The following NT5C2 variants were observed in gnomAD, a reference collection of about 807,000 sequenced individuals.
NT5C2 encodes the protein 5'-nucleotidase, cytosolic II, also known as cytosolic purine 5'-nucleotidase.
NT5C2 carries 58 observed loss-of-function variants against 76.1 expected under a neutral mutation model. The ratio of observed to expected loss-of-function variants is 0.76; its 90% CI spans 0.62 to 0.95. NT5C2 has a LOEUF of 0.95. NT5C2 is among the 40% of genes least tolerant of loss of function. The probability of loss-of-function intolerance (pLI) is 0.00; values close to 1 mark genes in which losing one functional copy is unlikely to be tolerated. For missense variants in NT5C2, 478 were observed against 690.3 expected, an observed-to-expected ratio of 0.69 and a Z score of 3.45; for synonymous variants, 229 against 237.4, an observed-to-expected ratio of 0.96 and a Z score of 0.32.
chr10:103,158,625 T>C (rs897328684), intron 3 of NT5C2, among the ~76,000 whole-genome samples: 12 of 152,026 alleles, frequency 7.9e-5, no homozygotes, highest in Non-Finnish European at 2.9e-5. Context: ...GAGACCAGCC[T>C]GGCCAACATG....
At chr10:103,146,785 C>G (rs2081549628) in intron 3 of NT5C2, among the ~76,000 whole-genome samples, 1 of 152,192 alleles carries the variant, frequency 6.6e-6, no homozygotes. Context: ...ATTCACAGTG[C>G]TAACAACATG....
chr10:103,117,950 T>C (rs185854079), intron 4 of NT5C2, among the ~76,000 whole-genome samples: 1 of 152,288 alleles, frequency 6.6e-6, no homozygotes, highest in Admixed American at 6.5e-5. Flanking sequence ...GGTTTTGAGT[T>C]TATAAGCTGG....
intron 4 of NT5C2, among the ~76,000 whole-genome samples, chr10:103,127,553 G>A (rs2076901210): frequency 6.6e-6 from 1 of 152,112 alleles, no homozygotes; most frequent in Non-Finnish European, 1.5e-5. Context: ...GGAAATAAAT[G>A]ATTACCAAAT....
intron 2 of NT5C2, chr10:103,175,405 A>G (rs2089595849): frequency 6.1e-6 from 1 of 162,858 alleles, no homozygotes; most frequent in South Asian, 1.6e-4. Flanking sequence ...TAGCAGGCAC[A>G]GCTAGCGGGT....
intron 3 of NT5C2, chr10:103,146,489 A>G (rs1251613518): frequency 6.2e-6 from 6 of 964,596 alleles, no homozygotes; most frequent in Non-Finnish European, 7.4e-6. Flanking sequence ...AGAAAAAGTT[A>G]CAAGTGCTTT....
At chr10:103,094,797 G>A (rs763355805) in intron 12 of NT5C2, among the ~76,000 whole-genome samples, 1 of 150,636 alleles carries the variant, frequency 6.6e-6, no homozygotes, top group Non-Finnish European at 1.5e-5. Flanking sequence ...CTCGAGAATC[G>A]CTTGAACCTA....
chr10:103,130,063 G>C (rs1384052429), intron 4 of NT5C2, among the ~76,000 whole-genome samples: 1 of 151,870 alleles, frequency 6.6e-6, no homozygotes, highest in Non-Finnish European at 1.5e-5. Context: ...GTGCCCAACA[G>C]CTCATTGAGA....
rs1455194336 is a variant in NT5C2, at chr10:103,094,112, A to G, written c.922-74T>C. 4.2e-6 allele frequency: 3 copies of G among 710,924 alleles called. 1 individual carries two copies. Among genetic ancestry groups the G allele is most frequent in the Admixed American group, 5.6e-5 (2 of 35,582 alleles). 44.0% of individuals were successfully genotyped at this position (710,924 alleles called of 1,614,324 possible). On this transcript the variant is annotated intron_variant, in intron 13 of 18. Transcript: ENST00000404739. The stretch of plus-strand genomic sequence containing the variant: ...CCTCCCCTCACCCCACAACCCTCCC[A>G]TCCCACCCCCCACCACCAGTGCTAC...
At position 103,127,778 on chromosome 10, in the gene NT5C2, G is replaced by C. The variant is rs564552168; in HGVS notation, c.175+11628C>G. Among the ~76,000 whole-genome samples the C allele has an allele frequency of 4.6e-5, 7 of 152,042 alleles. No homozygotes were observed. In the East Asian group the frequency reaches 1.4e-3, roughly 30 times the overall value. On this transcript the variant is annotated intron_variant, in intron 4 of 18. Transcript: ENST00000404739. Reference sequence around the variant, plus strand: ...TCACTGTGTTGGCCAGGATGGTCTCGATCTCCTGACCTTGTGATCCGCCCG... The same window carrying C: ...TCACTGTGTTGGCCAGGATGGTCTCCATCTCCTGACCTTGTGATCCGCCCG...
chr10:103,097,886 C>A, intron 10 of NT5C2: 1 of 399,706 alleles, frequency 2.5e-6, no homozygotes, highest in South Asian at 1.8e-5. Context: ...GAAATTCTAA[C>A]CCCTCATGTG....
intron 3 of NT5C2, among the ~76,000 whole-genome samples, chr10:103,167,976 A>G (rs754340107): frequency 6.6e-6 from 1 of 152,150 alleles, no homozygotes; most frequent in Non-Finnish European, 1.5e-5. Flanking sequence ...TACTAGCAAA[A>G]TTACATATAC....
At chr10:103,091,770 G>A (rs1243768379) in intron 15 of NT5C2, among the ~76,000 whole-genome samples, 155 bp from the exon 16 acceptor site, 1 of 152,132 alleles carries the variant, frequency 6.6e-6, no homozygotes, top group Admixed American at 6.5e-5. Context: ...CCCTCTTCAG[G>A]ATAACTCACT....
rs193086628 is a variant in NT5C2, at chr10:103,188,219, A to T, written c.-169+5017T>A. On this transcript the variant is annotated intron_variant, in intron 1 of 18. Coordinates refer to ENST00000404739, the MANE Select transcript of NT5C2 (RefSeq NM_001351169.2). ...AAAAATACAAAAAAATTAGCCAGGC[A>T]TGGTGGCGGGCGCCTGTAATCCCAG... 1.4e-3 allele frequency among the ~76,000 whole-genome samples: 211 copies of T among 152,110 alleles called. 1 individual carries two copies. Among genetic ancestry groups the T allele is most frequent in the African/African-American group, 4.6e-3 (190 of 41,494 alleles).
At chr10:103,099,011 A>C in intron 9 of NT5C2, 27 bp from the exon 10 acceptor site, 1 of 1,555,254 alleles carries the variant, frequency 6.4e-7, no homozygotes, top group African/African-American at 1.4e-5. Context: ...AAAAGAATTA[A>C]GAAAAGAACA....
At position 103,097,448 on chromosome 10, in the gene NT5C2, GA is replaced by G. The variant is rs34202831; in HGVS notation, c.688-75del. On this transcript the variant is annotated intron_variant, in intron 10 of 18. Coordinates refer to ENST00000404739, the MANE Select transcript of NT5C2 (RefSeq NM_001351169.2). ...TACACTTTGGAGTTGTCAAATACTG[GA>G]TTTCTGTCCACAACAGGAATGGGGG... 195,442 of 1,270,724 alleles carry G rather than the reference GA, an allele frequency of 0.15. 16,044 individuals carry two copies. The highest frequency in any genetic ancestry group is 0.16 in the Non-Finnish European group (139,638 of 873,276). 78.7% of individuals were successfully genotyped at this position (1,270,724 alleles called of 1,614,324 possible). A position where few individuals can be genotyped will look rare whatever the true frequency, so the allele number is the denominator to read the frequency against.
At chr10:103,110,176 TG>T (rs1240409661) in intron 4 of NT5C2, among the ~76,000 whole-genome samples, 6 of 152,256 alleles carry the variant, frequency 3.9e-5, no homozygotes, top group African/African-American at 1.2e-4. Context: ...AACTCACACC[TG>T]TAATCCCAGC....
At chr10:103,101,930 A>G (rs756416666) in intron 6 of NT5C2, among the ~76,000 whole-genome samples, 11 of 152,050 alleles carry the variant, frequency 7.2e-5, no homozygotes, top group Non-Finnish European at 1.5e-4. Context: ...GAGAAAGGGG[A>G]GCAGAGAAAA....
At chr10:103,189,789 C>T (rs935863250) in intron 1 of NT5C2, among the ~76,000 whole-genome samples, 5 of 150,984 alleles carry the variant, frequency 3.3e-5, no homozygotes, top group Admixed American at 2.6e-4. Flanking sequence ...GTGTCTCAGC[C>T]TCCTGAGTAG....
intron 3 of NT5C2, among the ~76,000 whole-genome samples, chr10:103,144,725 AC>A (rs2081179619): frequency 6.6e-6 from 1 of 152,200 alleles, no homozygotes; most frequent in African/African-American, 2.4e-5. Flanking sequence ...TTCATTGTCT[AC>A]TACAAAGCAG....
Sources: gnomAD v4.1 joint callset for allele counts (sites outside exome capture counted in the v4.1 genomes callset) on GRCh38, gnomAD v4.1.1 for gene constraint, MANE v1.5 for transcripts, NCBI Gene and HGNC (gene_info 2026-07-23, HGNC 2026-07-21) for gene names.